The following SAP130 variants were observed in gnomAD, a reference collection of about 807,000 sequenced individuals.
SAP130 encodes the protein Sin3A associated protein 130.
A neutral mutation model predicts 103.2 loss-of-function variants in SAP130; 16 were observed. The ratio of observed to expected loss-of-function variants is 0.16; its 90% CI spans 0.10 to 0.24. The LOEUF (loss-of-function observed/expected upper bound fraction) is 0.24, where lower values mean the gene tolerates loss of function less well. Among genes scored for constraint, SAP130 ranks in the 10% least tolerant of loss-of-function variants. SAP130 has a pLI of 1.00. For synonymous variants in SAP130, 477 were observed against 497.0 expected, an observed-to-expected ratio of 0.96 and a Z score of 0.53; for missense variants, 990 against 1,359.7, an observed-to-expected ratio of 0.73 and a Z score of 4.28.
chr2:127,997,589 T>C (rs1314383040), intron 10 of SAP130, among the ~76,000 whole-genome samples: 3 of 152,078 alleles, frequency 2.0e-5, no homozygotes, highest in African/African-American at 7.2e-5. Flanking sequence ...TATTGGCCAA[T>C]GCAAAGAGAA....
At chr2:127,997,839 T>G (rs970777973) in intron 10 of SAP130, among the ~76,000 whole-genome samples, 1 of 152,198 alleles carries the variant, frequency 6.6e-6, no homozygotes, top group African/African-American at 2.4e-5. Flanking sequence ...AAAGGCTGGA[T>G]GCAGTGGCTC....
intron 2 of SAP130, among the ~76,000 whole-genome samples, chr2:128,019,810 C>A (rs866286137): frequency 1.7e-4 from 26 of 151,932 alleles, no homozygotes; most frequent in Middle Eastern, 6.8e-3. Context: ...TTGCTTGAGC[C>A]CGGGAGGTGG....
intron 7 of SAP130, among the ~76,000 whole-genome samples, chr2:128,003,135 A>C (rs1683691356): frequency 6.6e-6 from 1 of 151,976 alleles, no homozygotes; most frequent in Admixed American, 6.5e-5. Context: ...CAAAAAAAAA[A>C]AGACACTTGA....
chr2:127,976,165 C>T (rs1191578901), intron 15 of SAP130, among the ~76,000 whole-genome samples: 1 of 152,152 alleles, frequency 6.6e-6, no homozygotes, highest in African/African-American at 2.4e-5. Flanking sequence ...TATGTTACTG[C>T]ACTAATGTGC....
rs1682639791 is a variant in SAP130 at position 127,989,536 on chromosome 2, C to T, written c.1780+28G>A. On this transcript the variant is annotated intron_variant, in intron 13 of 20. Transcript: ENST00000643581. The surrounding 1 kb of genome is among the most constrained non-coding windows in gnomAD (Gnocchi z 4.6). The stretch of plus-strand genomic sequence containing the variant: ...CCAAATGTATTTCTTTTCTCCAAAC[C>T]ACCTTCTATGCAAAAATTTAAAATT... The T allele has an allele frequency of 6.3e-7, 1 of 1,575,976 alleles. No homozygotes were observed. Among genetic ancestry groups the T allele is most frequent in the Admixed American group, 1.8e-5 (1 of 54,774 alleles).
intron 15 of SAP130, among the ~76,000 whole-genome samples, chr2:127,972,986 GACTA>G (rs1681194637): frequency 6.6e-6 from 1 of 152,086 alleles, no homozygotes; most frequent in South Asian, 2.1e-4. Flanking sequence ...ATTAGCTGAA[GACTA>G]ACTGTGGCAC....
In SAP130 at chr2:127,946,327, T is replaced by C. The variant is rs558733072; in HGVS notation, c.2798-768A>G. Among the ~76,000 whole-genome samples the C allele has an allele frequency of 1.1e-3, 162 of 152,322 alleles. 1 individual carries two copies. Among genetic ancestry groups the C allele is most frequent in the Admixed American group, 1.8e-3 (27 of 15,300 alleles). Reference sequence around the variant, plus strand: ...GATATAGCCTAGACTATGTGCAGGCTGGTTTGAAGGAAAGAACAAAGCATA... The same window carrying C: ...GATATAGCCTAGACTATGTGCAGGCCGGTTTGAAGGAAAGAACAAAGCATA... On this transcript the variant is annotated intron_variant, in intron 18 of 20. Coordinates refer to ENST00000643581, the MANE Select transcript of SAP130 (RefSeq NM_001330301.2).
intron 1 of SAP130, among the ~76,000 whole-genome samples, chr2:128,026,595 T>A (rs1341564783): frequency 6.6e-6 from 1 of 152,182 alleles, no homozygotes; most frequent in Non-Finnish European, 1.5e-5. Flanking sequence ...ACATGACAGG[T>A]ATTACCACAA....
At position 127,955,368 on chromosome 2, in the gene SAP130, T is replaced by C; in HGVS notation, c.2064-24A>G. 6.7e-7 allele frequency: 1 copy of C among 1,503,278 alleles called. No individual in the cohort carries two copies. The highest frequency in any genetic ancestry group is 1.3e-5 in the South Asian group (1 of 75,846). 93.1% of individuals were successfully genotyped at this position (1,503,278 alleles called of 1,614,324 possible). A position where few individuals can be genotyped will look rare whatever the true frequency, so the allele number is the denominator to read the frequency against. On this transcript the variant is annotated intron_variant, in intron 15 of 20. Transcript: ENST00000643581. The surrounding 1 kb of genome is among the most constrained non-coding windows in gnomAD (Gnocchi z 4.9). ...CACTAAAACACAAAAGAAAAGCACATGTAGCAAATAAGAAAAAAACTGCCT... is the reference window on the plus strand; with the variant it reads ...CACTAAAACACAAAAGAAAAGCACACGTAGCAAATAAGAAAAAAACTGCCT...
chr2:128,023,333 G>A (rs1025873925), intron 2 of SAP130, among the ~76,000 whole-genome samples: 1 of 151,786 alleles, frequency 6.6e-6, no homozygotes, highest in African/African-American at 2.4e-5. Context: ...GTAGAAACGG[G>A]GATTTGCCAT....
In SAP130 at chr2:127,955,553, C is replaced by A. The variant is rs920358259; in HGVS notation, c.2064-209G>T. On this transcript the variant is annotated intron_variant, in intron 15 of 20. Coordinates refer to ENST00000643581, the MANE Select transcript of SAP130 (RefSeq NM_001330301.2). The surrounding 1 kb of genome is among the most constrained non-coding windows in gnomAD (Gnocchi z 4.9). ...CCATGCTGGAGTGAAGTGGCGTGATCTTGGCTCACCGCAACCTCTGTCTTC... is the reference window on the plus strand; with the variant it reads ...CCATGCTGGAGTGAAGTGGCGTGATATTGGCTCACCGCAACCTCTGTCTTC... 6.6e-6 allele frequency among the ~76,000 whole-genome samples: 1 copy of A among 152,148 alleles called. No homozygotes were observed. Among genetic ancestry groups the A allele is most frequent in the Admixed American group, 6.5e-5 (1 of 15,276 alleles).
Position 128,027,057 on chromosome 2 carries a change from G to A in SAP130, c.-6-759C>T, listed in dbSNP as rs570340621. The A allele has an allele frequency of 3.1e-5, 43 of 1,401,388 alleles. No homozygotes were observed. In the South Asian group the frequency reaches 7.3e-4, roughly 24 times the overall value. The allele number at this position is 1,401,388 out of a possible 1,614,324, so 86.8% of individuals were successfully genotyped here. ...TGGGGGTGCGGACGGGCGATCTGGG[G>A]ACCCGACCACAAGACGAGCACTGTG... On this transcript the variant is annotated intron_variant, in intron 1 of 20. Transcript: ENST00000643581.
rs142248067 is a variant in SAP130 at position 127,968,679 on chromosome 2, C to T, written c.2063+9306G>A. On this transcript the variant is annotated intron_variant, in intron 15 of 20. Coordinates refer to ENST00000643581, the MANE Select transcript of SAP130 (RefSeq NM_001330301.2). ...ACAACAGGTGCACCACTACGCCTGG[C>T]TAATTTTTGTATTTTTAGTACAGAC... Among the ~76,000 whole-genome samples, 477 of 151,878 alleles carry T rather than the reference C, an allele frequency of 3.1e-3. 3 individuals are homozygous for T. Among genetic ancestry groups the T allele is most frequent in the African/African-American group, 0.011 (458 of 41,416 alleles).
chr2:128,007,653 A>C (rs1684068598), intron 7 of SAP130, among the ~76,000 whole-genome samples: 1 of 152,226 alleles, frequency 6.6e-6, no homozygotes, highest in Non-Finnish European at 1.5e-5. Context: ...TTGAAGAGAG[A>C]ACAAAGGATC....
chr2:127,964,160 A>C (rs1175147321), intron 15 of SAP130, among the ~76,000 whole-genome samples: 1 of 152,088 alleles, frequency 6.6e-6, no homozygotes, highest in Non-Finnish European at 1.5e-5. Flanking sequence ...CACCCATTGC[A>C]CTCCAGCCTG....
chr2:127,942,563 CA>C lies in SAP130; in HGVS notation c.2902-27del, dbSNP rs774391180. On this transcript the variant is annotated intron_variant, in intron 19 of 20. Coordinates refer to ENST00000643581, the MANE Select transcript of SAP130 (RefSeq NM_001330301.2). The surrounding 1 kb of genome is among the most constrained non-coding windows in gnomAD (Gnocchi z 4.8). ...CTGCAACACACAAAAGGGAGGGTAT[CA>C]TAAGCTCGGAAATATTTTTCTATGT... 2 of 1,370,928 alleles carry C rather than the reference CA, an allele frequency of 1.5e-6. No homozygotes were observed. The highest frequency in any genetic ancestry group is 2.3e-5 in the South Asian group (2 of 85,842). 84.9% of individuals were successfully genotyped at this position (1,370,928 alleles called of 1,614,324 possible).
intron 15 of SAP130, among the ~76,000 whole-genome samples, chr2:127,974,435 C>T (rs1181273992): frequency 1.3e-5 from 2 of 151,460 alleles, no homozygotes; most frequent in African/African-American, 4.9e-5. Context: ...ACGAAGCTCA[C>T]ACATGTAAAT....
Position 127,986,829 on chromosome 2 carries a change from T to A in SAP130, c.1914A>T (p.Ser638=). 6.2e-7 allele frequency: 1 copy of A among 1,614,218 alleles called. No homozygotes were observed. Among genetic ancestry groups the A allele is most frequent in the Non-Finnish European group, 8.5e-7 (1 of 1,180,032 alleles). Residue 638 remains serine (S), a synonymous_variant, in exon 14 of 21, where the codon TCA becomes TCT. Coordinates refer to ENST00000643581, the MANE Select transcript of SAP130 (RefSeq NM_001330301.2). The surrounding 1 kb of genome is among the most constrained non-coding windows in gnomAD (Gnocchi z 4.7). The part of the protein sequence containing the change: ...SASTNAPAQG[S]SPRPSILRKK... ...TCCGGAGTATGCTTGGCCGTGGCGA[T>A]GAGCCCTGGGCGGGAGCGTTGGTGC...
intron 7 of SAP130, among the ~76,000 whole-genome samples, chr2:128,004,488 T>C (rs763061161): frequency 6.7e-6 from 1 of 148,876 alleles, no homozygotes; most frequent in African/African-American, 2.5e-5. Flanking sequence ...ATTACAGACA[T>C]GAGCCACCCT....
Sources: allele counts gnomAD v4.1 joint callset (sites outside exome capture counted in the v4.1 genomes callset), GRCh38; gene constraint gnomAD v4.1.1; non-coding constraint Gnocchi (gnomAD v3.1); transcripts MANE v1.5; gene names NCBI Gene and HGNC (gene_info 2026-07-23, HGNC 2026-07-21).